Variants in ATP2A3 observed in about 807,000 individuals in gnomAD.
ATP2A3 encodes the protein ATPase sarcoplasmic/endoplasmic reticulum Ca2+ transporting 3, also known as sarcoplasmic/endoplasmic reticulum calcium ATPase 3.
A neutral mutation model predicts 106.8 loss-of-function variants in ATP2A3; 61 were observed. The observed-to-expected ratio is 0.57, with a 90% CI of 0.46 to 0.71. The LOEUF (loss-of-function observed/expected upper bound fraction) is 0.71. ATP2A3 is among the 30% of genes least tolerant of loss of function. The probability of loss-of-function intolerance (pLI) is 0.00; values close to 1 mark genes in which losing one functional copy is unlikely to be tolerated. For missense variants in ATP2A3, 1,201 were observed against 1,423.5 expected, an observed-to-expected ratio of 0.84 and a Z score of 2.52; for synonymous variants, 611 against 609.3, an observed-to-expected ratio of 1.00 and a Z score of -0.04.
In ATP2A3 at chr17:3,951,281, T is replaced by C. The variant is rs1256015556; in HGVS notation, c.433A>G (p.Ile145Val). 7 of 1,613,470 alleles carry C rather than the reference T, an allele frequency of 4.3e-6. No homozygotes were observed. The Admixed American group carries it at 6.7e-5, about 15-fold the overall frequency. ...ACTTCTACAATGTCCCCTGGGACGA[T>C]GTCCCGGGCACGGATCCTCTGCACG... ...KGVQRIRARD[I>V]VPGDIVEVAV... is the part of the protein sequence containing the mutation. Residue 145 changes from isoleucine (I) to valine (V), a missense_variant, in exon 5 of 21, where the codon ATC becomes GTC. Ile to Val is a conservative substitution (Grantham distance 29). Coordinates refer to ENST00000397041, the MANE Select transcript of ATP2A3 (RefSeq NM_005173.4).
intron 12 of ATP2A3, 140 bp downstream of exon 12, chr17:3,942,466 G>C: frequency 6.3e-6 from 8 of 1,273,698 alleles, no homozygotes; most frequent in Middle Eastern, 2.8e-4. Context: ...CTACACCACC[G>C]GTTAGAGGCA....
In ATP2A3 at chr17:3,947,417, T is replaced by G. The variant is rs1169959756; in HGVS notation, c.1069A>C (p.Thr357Pro). 6.2e-7 allele frequency: 1 copy of G among 1,613,926 alleles called. No homozygotes were observed. The change falls in exon 8 of 21, where the codon ACC becomes CCC. Residue 357 changes from threonine to proline, a missense_variant. Transcript: ENST00000397041. This position sits in a 1 kb window ranked among gnomAD's most constrained non-coding sequence, Gnocchi z 7.7. ...CGGCAGACAGACATCTGATTGGTGG[T>G]GAGCGTGCCCGTCTTGTCGGAGCAG... ...VICSDKTGTL[T>P]TNQMSVCRMF...
At chr17:3,957,793 G>C (rs1176015912) in intron 1 of ATP2A3, among the ~76,000 whole-genome samples, 1 of 152,240 alleles carries the variant, frequency 6.6e-6, no homozygotes. Flanking sequence ...GGCAGTGCCA[G>C]ATGTCCTATC....
At chr17:3,944,880 C>G in intron 9 of ATP2A3, 74 bp from the exon 10 acceptor site, 10 of 893,480 alleles carry the variant, frequency 1.1e-5, no homozygotes, top group Non-Finnish European at 1.6e-5. Flanking sequence ...GGCCCCGCCC[C>G]TAGGAGGGGG....
At position 3,926,768 on chromosome 17, in the gene ATP2A3, C is replaced by G. The variant is rs2052727533; in HGVS notation, c.2981-1327G>C. On this transcript the variant is annotated intron_variant, in intron 20 of 20. Transcript: ENST00000397041. This position sits in a 1 kb window ranked among gnomAD's most constrained non-coding sequence, Gnocchi z 4.6. The stretch of plus-strand genomic sequence containing the variant: ...TATCTTTAGTAGAGATGGGGTTTCA[C>G]CATGTTGGCCAGGCTGGTCTCTAAC... The G allele has an allele frequency of 1.5e-5, 11 of 751,920 alleles. No individual in the cohort carries two copies. The highest frequency in any genetic ancestry group is 1.8e-5 in the Non-Finnish European group (11 of 616,846). The allele number at this position is 751,920 out of a possible 1,614,324, so 46.6% of individuals were successfully genotyped here.
chr17:3,935,072 G>A (rs774375449), intron 17 of ATP2A3, 120 bp downstream of exon 17: 32 of 1,047,822 alleles, frequency 3.1e-5, no homozygotes, highest in Middle Eastern at 2.0e-4. Flanking sequence ...ATGTTTATTC[G>A]TGTATAGCGA....
chr17:3,943,335 A>G, intron 11 of ATP2A3, 56 bp downstream of exon 11: 1 of 1,607,742 alleles, frequency 6.2e-7, no homozygotes. Context: ...CCTTCTCCAG[A>G]TGTCCCAGAA....
intron 14 of ATP2A3, among the ~76,000 whole-genome samples, chr17:3,939,049 C>T (rs570578943): frequency 1.3e-5 from 2 of 152,034 alleles, no homozygotes; most frequent in Non-Finnish European, 2.9e-5. Context: ...TGCCTGTAGT[C>T]CCAGCTCCTC....
chr17:3,945,278 G>T, intron 8 of ATP2A3, 130 bp from the exon 9 acceptor site: 4 of 786,898 alleles, frequency 5.1e-6, no homozygotes, highest in Non-Finnish European at 6.0e-6. Context: ...GGCCGTCCGT[G>T]CCCACCAGGA....
intron 1 of ATP2A3, among the ~76,000 whole-genome samples, chr17:3,958,898 A>AT (rs556222249): frequency 1.0e-4 from 13 of 129,482 alleles, no homozygotes; most frequent in Admixed American, 4.1e-4. Context: ...ATATATATAT[A>AT]TTGTTTTTTT....
chr17:3,956,792 T>C (rs2054806572), intron 1 of ATP2A3, among the ~76,000 whole-genome samples: 1 of 152,208 alleles, frequency 6.6e-6, no homozygotes, highest in Non-Finnish European at 1.5e-5. Context: ...AAGCTGAACC[T>C]GACTGATACC....
intron 20 of ATP2A3, chr17:3,927,914 G>T: frequency 6.2e-7 from 1 of 1,605,490 alleles, no homozygotes. Flanking sequence ...CCCAACCTAG[G>T]CCCCTGCACA....
chr17:3,938,151 A>C (rs1183681502), intron 14 of ATP2A3, among the ~76,000 whole-genome samples: 4 of 152,204 alleles, frequency 2.6e-5, no homozygotes, highest in Non-Finnish European at 5.9e-5. Flanking sequence ...ACTGAAGGCC[A>C]GGCCAGGAGC....
At chr17:3,959,386 G>A (rs998711809) in intron 1 of ATP2A3, among the ~76,000 whole-genome samples, 1 of 152,182 alleles carries the variant, frequency 6.6e-6, no homozygotes, top group Non-Finnish European at 1.5e-5. Flanking sequence ...AGGGTGGGGC[G>A]GGGCTGAGTC....
chr17:3,944,340 G>A (rs981986197), intron 10 of ATP2A3, among the ~76,000 whole-genome samples: 2 of 152,044 alleles, frequency 1.3e-5, no homozygotes, highest in South Asian at 2.1e-4. Context: ...CACTGCCCCG[G>A]CCACGTGAAT....
chr17:3,951,549 C>CCCCCCCG, intron 4 of ATP2A3, 32 bp downstream of exon 4: 1 of 1,321,352 alleles, frequency 7.6e-7, no homozygotes, highest in Non-Finnish European at 1.1e-6. Flanking sequence ...GGAGACCGCC[C>CCCCCCCG]CCCGCCCGGT....
chr17:3,943,416 A>C lies in ATP2A3; in HGVS notation c.1394T>G (p.Val465Gly). 1 of 1,613,924 alleles carries C rather than the reference A, an allele frequency of 6.2e-7. No homozygotes were observed. ...CGTGTTACAGGCGCCAGCTCGCTCC[A>C]CCCGGGACAGAGCCTGCAGGTCGGT... The part of the protein sequence containing the change: ...FDTDLQALSR[V>G]ERAGACNTVI... Residue 465 changes from valine to glycine, a missense_variant, in exon 11 of 21, where the codon GTG becomes GGG. Val to Gly is a moderately radical substitution (Grantham distance 109). This residue lies in a region of ATP2A3 where 935 missense variants were observed against 1,176.7 expected (regional missense o/e 0.79). Coordinates refer to ENST00000397041, the MANE Select transcript of ATP2A3 (RefSeq NM_005173.4).
At chr17:3,927,257 T>C (rs2052758935) in intron 20 of ATP2A3, 1 of 985,368 alleles carries the variant, frequency 1.0e-6, no homozygotes, top group African/African-American at 1.7e-5. Flanking sequence ...CTGAAAGGCA[T>C]CTGAGACACA....
In ATP2A3 at chr17:3,936,152, C is replaced by T; in HGVS notation, c.2524+115G>A. The T allele has an allele frequency of 9.8e-6, 13 of 1,329,420 alleles. No individual in the cohort carries two copies. Among genetic ancestry groups the T allele is most frequent in the South Asian group, 5.9e-5 (5 of 84,100 alleles). The allele number at this position is 1,329,420 out of a possible 1,614,324, so 82.4% of individuals were successfully genotyped here. ...CCTGGTCTTTTCCATTACATGAGCTCATACAGTTTCTACTGGCACAAGCCA... is the reference window on the plus strand; with the variant it reads ...CCTGGTCTTTTCCATTACATGAGCTTATACAGTTTCTACTGGCACAAGCCA... On this transcript the variant is annotated intron_variant, in intron 16 of 20. Transcript: ENST00000397041. This position sits in a 1 kb window ranked among gnomAD's most constrained non-coding sequence, Gnocchi z 5.4.
Sources: allele counts gnomAD v4.1 joint callset (sites outside exome capture counted in the v4.1 genomes callset), GRCh38; gene constraint gnomAD v4.1.1; regional missense constraint gnomAD v4.1.1; non-coding constraint Gnocchi (gnomAD v3.1); transcripts MANE v1.5; gene names NCBI Gene and HGNC (gene_info 2026-07-23, HGNC 2026-07-21).